SIK2: variants seen among roughly 807,000 people sequenced by gnomAD.
The protein encoded by SIK2 is serine/threonine-protein kinase SIK2.
SIK2 carries 29 observed loss-of-function variants against 103.2 expected under a neutral mutation model. That is an observed-to-expected ratio of 0.28 (90% confidence interval 0.21 to 0.38). The LOEUF (loss-of-function observed/expected upper bound fraction) is 0.38, where lower values mean the gene tolerates loss of function less well. Among genes scored for constraint, SIK2 ranks in the 10% least tolerant of loss-of-function variants. The pLI is 1.00. For synonymous variants in SIK2, 412 were observed against 446.1 expected, an observed-to-expected ratio of 0.92 and a Z score of 0.96; for missense variants, 879 against 1,171.0, an observed-to-expected ratio of 0.75 and a Z score of 3.64.
intron 3 of SIK2, among the ~76,000 whole-genome samples, chr11:111,683,849 G>A (rs980301917): frequency 6.6e-6 from 1 of 152,138 alleles, no homozygotes; most frequent in Non-Finnish European, 1.5e-5. Context: ...TTCCTTGAAG[G>A]GGTTGATGTA....
rs187264112 is a variant in SIK2 at position 111,711,042 on chromosome 11, G to A, written c.1102-1169G>A. ...ATTCTGGTAGTTTTGAAGGGATGGT[G>A]ATGAAAGGATCATTCAGCAGCTTCA... On this transcript the variant is annotated intron_variant, in intron 8 of 14. Coordinates refer to ENST00000304987, the MANE Select transcript of SIK2 (RefSeq NM_015191.3). Among the ~76,000 whole-genome samples, 1,120 of 152,178 alleles carry A rather than the reference G, an allele frequency of 7.4e-3. 8 individuals carry two copies. Among genetic ancestry groups the A allele is most frequent in the Middle Eastern group, 0.054 (16 of 294 alleles).
intron 3 of SIK2, among the ~76,000 whole-genome samples, chr11:111,644,130 AC>A (rs1942220712): frequency 6.6e-6 from 1 of 151,658 alleles, no homozygotes; most frequent in Non-Finnish European, 1.5e-5. Flanking sequence ...TACTAAAAAT[AC>A]AAAAAAAATT....
intron 3 of SIK2, among the ~76,000 whole-genome samples, chr11:111,622,070 T>G (rs1244086037): frequency 1.3e-5 from 2 of 152,096 alleles, no homozygotes; most frequent in Non-Finnish European, 2.9e-5. Flanking sequence ...TCCACATTTT[T>G]TGAAAATTAT....
At chr11:111,700,782 T>C (rs1202942924) in intron 4 of SIK2, 104 bp from the exon 5 acceptor site, 1 of 1,376,520 alleles carries the variant, frequency 7.3e-7, no homozygotes, top group Non-Finnish European at 1.0e-6. Flanking sequence ...TCACAGTAAA[T>C]AGTAGTGATA....
intron 3 of SIK2, among the ~76,000 whole-genome samples, chr11:111,656,590 CAG>C (rs1942394860): frequency 2.0e-5 from 3 of 152,152 alleles, no homozygotes; most frequent in Non-Finnish European, 2.9e-5. Flanking sequence ...TGGAAAGAAA[CAG>C]GGACAAGTCA....
At chr11:111,623,178 C>T (rs78071401) in intron 3 of SIK2, among the ~76,000 whole-genome samples, 4,811 of 152,168 alleles carry the variant, frequency 0.032, 246 homozygotes, top group African/African-American at 0.11. Flanking sequence ...GCCATTAATC[C>T]CATCCAGTGT....
chr11:111,713,632 T>C (rs1056663092), intron 9 of SIK2, among the ~76,000 whole-genome samples: 1 of 152,154 alleles, frequency 6.6e-6, no homozygotes, highest in Non-Finnish European at 1.5e-5. Context: ...AGAAACATTA[T>C]ACATACTGAA....
At chr11:111,639,503 T>C (rs1565324427) in intron 3 of SIK2, among the ~76,000 whole-genome samples, 1 of 152,232 alleles carries the variant, frequency 6.6e-6, no homozygotes, top group Non-Finnish European at 1.5e-5. Flanking sequence ...TTCTGGTTGT[T>C]TTAAAAGAAG....
At chr11:111,712,788 TAGGTACCTCAGGTACAAAATGATGGGC>T (rs1381668523) in intron 9 of SIK2, among the ~76,000 whole-genome samples, 1 of 152,232 alleles carries the variant, frequency 6.6e-6, no homozygotes, top group Non-Finnish European at 1.5e-5. Context: ...CTCTTCTGCA[TAGGTACCTCAGGTACAAAATGATGGGC>T]CGTCTTTTGT....
chr11:111,723,455 G>T, intron 14 of SIK2, 41 bp from the exon 15 acceptor site: 1 of 1,543,082 alleles, frequency 6.5e-7, no homozygotes, highest in South Asian at 1.3e-5. Context: ...GCCATCACTT[G>T]AGAAGATTTA....
At chr11:111,603,303 T>G (rs1464593781) in intron 1 of SIK2, among the ~76,000 whole-genome samples, 3 of 152,136 alleles carry the variant, frequency 2.0e-5, no homozygotes, top group African/African-American at 7.2e-5. Flanking sequence ...TGATTTGGTG[T>G]CTGGCTAGCT....
intron 4 of SIK2, among the ~76,000 whole-genome samples, chr11:111,693,104 T>A (rs7108210): frequency 6.6e-6 from 1 of 152,004 alleles, no homozygotes. Flanking sequence ...GGGGCCAAGG[T>A]GGGCGGATCA....
At position 111,602,762 on chromosome 11, in the gene SIK2, G is replaced by C. The variant is rs1024961659; in HGVS notation, c.135+64G>C. On this transcript the variant is annotated intron_variant, in intron 1 of 14. Coordinates refer to ENST00000304987, the MANE Select transcript of SIK2 (RefSeq NM_015191.3). The surrounding 1 kb of genome is among the most constrained non-coding windows in gnomAD (Gnocchi z 4.5). Reference sequence around the variant, plus strand: ...GTTCGGGAGAGGAGCTGCTTACCGAGAGGGGCGGCCGCAGTGGTGGGACCG... The same window carrying C: ...GTTCGGGAGAGGAGCTGCTTACCGACAGGGGCGGCCGCAGTGGTGGGACCG... 3.0e-5 allele frequency: 43 copies of C among 1,425,166 alleles called. No individual in the cohort carries two copies. The highest frequency in any genetic ancestry group is 3.8e-5 in the Non-Finnish European group (42 of 1,091,078). The allele number at this position is 1,425,166 out of a possible 1,614,324, so 88.3% of individuals were successfully genotyped here.
intron 3 of SIK2, among the ~76,000 whole-genome samples, chr11:111,623,081 C>A (rs933910613): frequency 6.6e-6 from 1 of 152,216 alleles, no homozygotes; most frequent in African/African-American, 2.4e-5. Context: ...CACTGATGCT[C>A]TTTTCCATTT....
intron 3 of SIK2, among the ~76,000 whole-genome samples, chr11:111,674,849 C>T (rs1942681665): frequency 6.6e-6 from 1 of 151,988 alleles, no homozygotes; most frequent in East Asian, 1.9e-4. Context: ...CAGGTTCAAG[C>T]GATTCTCCTG....
chr11:111,608,710 A>G (rs1941679850), intron 1 of SIK2, among the ~76,000 whole-genome samples: 1 of 152,150 alleles, frequency 6.6e-6, no homozygotes, highest in Non-Finnish European at 1.5e-5. Flanking sequence ...CATTTAGTCT[A>G]TTTCCATCTT....
chr11:111,685,763 T>C (rs934766229), intron 3 of SIK2, among the ~76,000 whole-genome samples: 24 of 152,130 alleles, frequency 1.6e-4, no homozygotes, highest in Non-Finnish European at 3.5e-4. Context: ...GGTGGAAGGA[T>C]TGATTGAATC....
intron 3 of SIK2, among the ~76,000 whole-genome samples, chr11:111,685,861 TAAAC>T (rs961976863): frequency 9.2e-5 from 14 of 151,832 alleles, no homozygotes; most frequent in Admixed American, 5.9e-4. Context: ...AAAAAATAAA[TAAAC>T]AAATAAAATA....
At chr11:111,604,010 T>C (rs1037570926) in intron 1 of SIK2, among the ~76,000 whole-genome samples, 5 of 152,284 alleles carry the variant, frequency 3.3e-5, no homozygotes, top group African/African-American at 1.2e-4. Context: ...CTTTACTTTT[T>C]GCCTTCCCCT....
Sources: allele counts gnomAD v4.1 joint callset (sites outside exome capture counted in the v4.1 genomes callset), GRCh38; gene constraint gnomAD v4.1.1; non-coding constraint Gnocchi (gnomAD v3.1); transcripts MANE v1.5; gene names NCBI Gene and HGNC (gene_info 2026-07-23, HGNC 2026-07-21).